TBL1XR1: variants seen among roughly 807,000 people sequenced by gnomAD.
TBL1XR1 encodes the protein TBL1X/Y related 1, also known as F-box-like/WD repeat-containing protein TBL1XR1.
Under a neutral mutation model 66.9 loss-of-function variants are expected in TBL1XR1, and 5 were observed. The observed-to-expected ratio is 0.07, with a 90% CI of 0.04 to 0.16. The LOEUF (loss-of-function observed/expected upper bound fraction) is 0.16. TBL1XR1 is among the 10% of genes least tolerant of loss of function. The probability of loss-of-function intolerance (pLI) is 1.00; values close to 1 mark genes in which losing one functional copy is unlikely to be tolerated. For synonymous variants in TBL1XR1, 210 were observed against 206.0 expected (o/e 1.02, Z -0.17); for missense variants, 238 against 623.2 (o/e 0.38, Z 6.58).
At chr3:177,133,504 T>C (rs1201113191) in intron 1 of TBL1XR1, among the ~76,000 whole-genome samples, 2 of 152,152 alleles carry the variant, frequency 1.3e-5, no homozygotes, top group Non-Finnish European at 2.9e-5. Flanking sequence ...GTCATACATA[T>C]CTTCTCTCTG....
chr3:177,102,308 A>T (rs1724324518), intron 1 of TBL1XR1, among the ~76,000 whole-genome samples: 1 of 152,206 alleles, frequency 6.6e-6, no homozygotes, highest in Non-Finnish European at 1.5e-5. Context: ...TTGAAGGGTG[A>T]ATAAATATGT....
intron 2 of TBL1XR1, among the ~76,000 whole-genome samples, chr3:177,076,104 G>A (rs935298167): frequency 1.3e-5 from 2 of 152,364 alleles, no homozygotes; most frequent in Non-Finnish European, 1.5e-5. Context: ...CATAAATGGT[G>A]CCTTCTGGCC....
At chr3:177,112,122 T>G (rs1265657140) in intron 1 of TBL1XR1, among the ~76,000 whole-genome samples, 30 of 128,162 alleles carry the variant, frequency 2.3e-4, no homozygotes, top group African/African-American at 8.4e-4. Flanking sequence ...TTTTTTTTTT[T>G]TTTGTGAGGG....
At chr3:177,118,347 T>G (rs1292696289) in intron 1 of TBL1XR1, among the ~76,000 whole-genome samples, 1 of 152,144 alleles carries the variant, frequency 6.6e-6, no homozygotes, top group African/African-American at 2.4e-5. Flanking sequence ...CATCGCTGAG[T>G]AGCTTTAACA....
At chr3:177,155,405 T>TA (rs1175520807) in intron 1 of TBL1XR1, among the ~76,000 whole-genome samples, 2 of 152,330 alleles carry the variant, frequency 1.3e-5, no homozygotes, top group Non-Finnish European at 2.9e-5. Context: ...ATAATTTCTT[T>TA]AAGAAATAAA....
chr3:177,188,847 G>A (rs1735764012), intron 1 of TBL1XR1, among the ~76,000 whole-genome samples: 1 of 152,198 alleles, frequency 6.6e-6, no homozygotes, highest in Non-Finnish European at 1.5e-5. Context: ...AGAAAGCAGA[G>A]CTTTCAATCT....
intron 1 of TBL1XR1, among the ~76,000 whole-genome samples, chr3:177,190,288 C>T (rs1735986712): frequency 6.6e-6 from 1 of 152,058 alleles, no homozygotes; most frequent in Non-Finnish European, 1.5e-5. Flanking sequence ...GCTACTATTC[C>T]AGAATTAAAA....
chr3:177,065,963 A>G (rs1479307485), intron 2 of TBL1XR1, among the ~76,000 whole-genome samples: 1 of 152,176 alleles, frequency 6.6e-6, no homozygotes, highest in East Asian at 1.9e-4. Context: ...CACTTATAAA[A>G]ATGTAAAGAC....
At chr3:177,192,398 CAAAA>C (rs759331999) in intron 1 of TBL1XR1, among the ~76,000 whole-genome samples, 8 of 83,498 alleles carry the variant, frequency 9.6e-5, no homozygotes, top group East Asian at 8.0e-4. Flanking sequence ...GACTTTATCT[CAAAA>C]AAAAAAAAAA....
intron 3 of TBL1XR1, among the ~76,000 whole-genome samples, chr3:177,064,456 C>T (rs1171227388): frequency 6.6e-6 from 1 of 152,098 alleles, no homozygotes; most frequent in Non-Finnish European, 1.5e-5. Flanking sequence ...TAATTACTCC[C>T]ATTACAATAA....
At chr3:177,153,128 G>A (rs1045812304) in intron 1 of TBL1XR1, among the ~76,000 whole-genome samples, 25 of 151,966 alleles carry the variant, frequency 1.6e-4, no homozygotes, top group African/African-American at 5.8e-4. Flanking sequence ...GAGTGAAATA[G>A]TGTCTCAAAA....
At chr3:177,174,137 G>A (rs1396350937) in intron 1 of TBL1XR1, among the ~76,000 whole-genome samples, 6 of 152,066 alleles carry the variant, frequency 3.9e-5, no homozygotes, top group Non-Finnish European at 8.8e-5. Context: ...TGACAGGCCG[G>A]GTGCGGTGGC....
intron 1 of TBL1XR1, 56 bp downstream of exon 1, chr3:177,197,064 GC>G (rs1275731097): frequency 2.1e-5 from 3 of 141,404 alleles, no homozygotes; most frequent in Admixed American, 7.1e-5. Context: ...TCTGGCCCGC[GC>G]CCCCCGCCCA....
intron 10 of TBL1XR1, chr3:177,045,010 C>T (rs897796098): frequency 3.3e-5 from 5 of 152,048 alleles, no homozygotes; most frequent in African/African-American, 1.2e-4. Flanking sequence ...TGTGTAAATG[C>T]TTATTAAGTG....
At chr3:177,049,957 T>C (rs1716836823) in intron 7 of TBL1XR1, 40 bp downstream of exon 7, 2 of 1,604,600 alleles carry the variant, frequency 1.2e-6, no homozygotes, top group African/African-American at 2.7e-5. Context: ...GGGTTAGGTA[T>C]ACTAGTAATT....
intron 2 of TBL1XR1, among the ~76,000 whole-genome samples, chr3:177,075,202 C>T (rs566457171): frequency 2.0e-5 from 3 of 152,226 alleles, no homozygotes. Flanking sequence ...CGGTAGCACC[C>T]GGCATTCCTT....
upstream of TBL1XR1, among the ~76,000 whole-genome samples, chr3:177,201,021 C>A (rs940750194): frequency 2.0e-5 from 3 of 150,928 alleles, no homozygotes; most frequent in Admixed American, 6.6e-5. Flanking sequence ...AAAAAAAGTT[C>A]TCTCTTGAAT....
At chr3:177,090,088 T>C (rs1047017004) in intron 2 of TBL1XR1, among the ~76,000 whole-genome samples, 3 of 152,186 alleles carry the variant, frequency 2.0e-5, no homozygotes, top group African/African-American at 7.2e-5. Context: ...TCTAAAAACT[T>C]CCACTCTTGA....
At chr3:177,158,418 G>A (rs1017107292) in intron 1 of TBL1XR1, among the ~76,000 whole-genome samples, 2 of 151,786 alleles carry the variant, frequency 1.3e-5, no homozygotes, top group South Asian at 2.1e-4. Flanking sequence ...TAGTAGACAC[G>A]GAGTTTCACC....
Sources: allele counts gnomAD v4.1 joint callset (sites outside exome capture counted in the v4.1 genomes callset), GRCh38; gene constraint gnomAD v4.1.1; transcripts MANE v1.5; gene names NCBI Gene and HGNC (gene_info 2026-07-23, HGNC 2026-07-21).